Variants in TMEM181 observed in about 807,000 individuals in gnomAD.
The protein encoded by TMEM181 is G protein-coupled receptor 178.
Under a neutral mutation model 71.9 loss-of-function variants are expected in TMEM181, and 39 were observed. That is an observed-to-expected ratio of 0.54 (90% CI 0.42 to 0.71). The LOEUF is 0.71. Among genes scored for constraint, TMEM181 ranks in the 30% least tolerant of loss-of-function variants. TMEM181 has a pLI of 0.00. For synonymous variants in TMEM181, 245 were observed against 228.8 expected (o/e 1.07, Z -0.64); for missense variants, 595 against 583.0 (o/e 1.02, Z -0.21).
intron 1 of TMEM181, among the ~76,000 whole-genome samples, chr6:158,547,694 G>T (rs1273404711): frequency 6.6e-6 from 1 of 151,794 alleles, no homozygotes; most frequent in Non-Finnish European, 1.5e-5. Flanking sequence ...CTTTGCACTG[G>T]ATCTAGTTGA....
intron 1 of TMEM181, among the ~76,000 whole-genome samples, chr6:158,541,206 A>G (rs1781327678): frequency 6.6e-6 from 1 of 152,102 alleles, no homozygotes; most frequent in East Asian, 1.9e-4. Context: ...ACTTGAGGTC[A>G]GGAGTTCGAG....
intron 10 of TMEM181, among the ~76,000 whole-genome samples, chr6:158,612,734 A>G (rs1785404093): frequency 6.6e-6 from 1 of 152,182 alleles, no homozygotes; most frequent in South Asian, 2.1e-4. Flanking sequence ...GGAAAGACCC[A>G]TGTGTTATTT....
intron 6 of TMEM181, 137 bp from the exon 7 acceptor site, chr6:158,605,130 A>AG (rs1562302773): frequency 9.1e-4 from 191 of 210,952 alleles, no homozygotes; most frequent in South Asian, 1.8e-3. Flanking sequence ...AAAAAAAAAA[A>AG]AGTGTGTGTG....
chr6:158,627,637 A>G (rs1286232491), intron 13 of TMEM181, among the ~76,000 whole-genome samples: 1 of 152,184 alleles, frequency 6.6e-6, no homozygotes, highest in Admixed American at 6.5e-5. Flanking sequence ...GGGCGTCAGC[A>G]TGGCGAGGTG....
upstream of TMEM181, among the ~76,000 whole-genome samples, chr6:158,557,228 G>A (rs1261104918): frequency 6.6e-6 from 1 of 152,094 alleles, no homozygotes. Flanking sequence ...TACAAAATTA[G>A]CTGGTTGTGT....
chr6:158,584,139 C>CT, intron 4 of TMEM181, 95 bp downstream of exon 4: 1 of 1,040,740 alleles, frequency 9.6e-7, no homozygotes, highest in Non-Finnish European at 1.4e-6. Flanking sequence ...AGCAAGTGCT[C>CT]AAAGATAGAT....
chr6:158,588,456 T>C (rs1047518197), intron 5 of TMEM181, among the ~76,000 whole-genome samples: 3 of 152,204 alleles, frequency 2.0e-5, no homozygotes, highest in Non-Finnish European at 4.4e-5. Flanking sequence ...TGTTTTTGTT[T>C]GTTTGTTTTT....
Position 158,544,592 on chromosome 6 carries a change from C to T in TMEM181, c.131+7727C>T, listed in dbSNP as rs1021468053. Among the ~76,000 whole-genome samples the T allele has an allele frequency of 5.3e-5, 8 of 152,188 alleles. No homozygotes were observed. In the South Asian group the frequency reaches 1.0e-3, roughly 20 times the overall value. On this transcript the variant is annotated intron_variant, in intron 1 of 16. Coordinates refer to the TMEM181 transcript ENST00000367090. ...TCCCCAATTTCTTCAGCCTCAGTGG[C>T]ATTCCCTTCCATGAGCCTCGGGGCA... is the stretch of plus-strand genomic sequence containing the variant.
chr6:158,599,773 ACT>A (rs1784569174), intron 6 of TMEM181, among the ~76,000 whole-genome samples: 1 of 151,836 alleles, frequency 6.6e-6, no homozygotes, highest in African/African-American at 2.4e-5. Flanking sequence ...CCAGGGCCCT[ACT>A]CTCGGGGCTT....
chr6:158,587,277 C>T lies in TMEM181; in HGVS notation c.381+1852C>T, dbSNP rs901075159. Among the ~76,000 whole-genome samples the T allele has an allele frequency of 2.3e-4, 35 of 152,290 alleles. 1 individual carries two copies. Among genetic ancestry groups the T allele is most frequent in the Admixed American group, 1.7e-3 (26 of 15,304 alleles). Reference sequence around the variant, plus strand: ...TGCACTGTTCCTTCTTGGATGTGCCCGCCGTGCTGTGCATCTTGAGAATGG... The same window carrying T: ...TGCACTGTTCCTTCTTGGATGTGCCTGCCGTGCTGTGCATCTTGAGAATGG... On this transcript the variant is annotated intron_variant, in intron 5 of 16. Transcript: ENST00000684151.
chr6:158,559,242 C>G (rs947418886), upstream of TMEM181, among the ~76,000 whole-genome samples: 1 of 152,190 alleles, frequency 6.6e-6, no homozygotes, highest in African/African-American at 2.4e-5. Flanking sequence ...TGAGCTAAGG[C>G]TACCTAACTT....
chr6:158,563,599 T>G (rs1782312559), intron 1 of TMEM181, among the ~76,000 whole-genome samples: 1 of 152,234 alleles, frequency 6.6e-6, no homozygotes, highest in African/African-American at 2.4e-5. Flanking sequence ...GAAATGGGGC[T>G]CACTGGCCAG....
At chr6:158,604,328 G>A (rs943348680) in intron 6 of TMEM181, among the ~76,000 whole-genome samples, 2 of 124,658 alleles carry the variant, frequency 1.6e-5, no homozygotes, top group African/African-American at 2.9e-5. Context: ...TTGTGCATGC[G>A]TGCATGCGTG....
intron 10 of TMEM181, among the ~76,000 whole-genome samples, chr6:158,623,025 G>A (rs946599110): frequency 2.6e-5 from 4 of 152,164 alleles, no homozygotes; most frequent in Admixed American, 6.5e-5. Context: ...GAGTAGCTCC[G>A]TTTCCAGGTG....
rs781138712 is a variant in TMEM181, at chr6:158,585,443, GC to G, written c.381+22del. ...GTGCAGGGGTGAGTGTGTGGGGTGA[GC>G]CCCACAGTCAGTCCTCAGGCTGTGT... is the stretch of plus-strand genomic sequence containing the variant. On this transcript the variant is annotated intron_variant, in intron 5 of 16. Transcript: ENST00000684151. 18 of 1,561,318 alleles carry G rather than the reference GC, an allele frequency of 1.2e-5. No individual in the cohort carries two copies. Among genetic ancestry groups the G allele is most frequent in the African/African-American group, 1.4e-5 (1 of 72,650 alleles).
At chr6:158,599,730 C>T (rs1015780020) in intron 6 of TMEM181, among the ~76,000 whole-genome samples, 39 of 152,302 alleles carry the variant, frequency 2.6e-4, no homozygotes, top group African/African-American at 7.0e-4. Context: ...CGGGATCCAG[C>T]GCGCCTGGAG....
At chr6:158,608,860 G>A in intron 10 of TMEM181, 110 bp downstream of exon 10, 1 of 982,810 alleles carries the variant, frequency 1.0e-6, no homozygotes, top group South Asian at 1.6e-5. Context: ...CACTTTGACA[G>A]GCTGAGGCAG....
chr6:158,621,884 C>A (rs1292824494), intron 10 of TMEM181, among the ~76,000 whole-genome samples: 1 of 152,246 alleles, frequency 6.6e-6, no homozygotes, highest in Non-Finnish European at 1.5e-5. Flanking sequence ...GCTGTCAAAG[C>A]GCTTCCGAAG....
chr6:158,631,026 C>G (rs1028116347), intron 15 of TMEM181, among the ~76,000 whole-genome samples: 1 of 152,228 alleles, frequency 6.6e-6, no homozygotes, highest in African/African-American at 2.4e-5. Context: ...GTTCAGCTCC[C>G]CACTCCTTGT....
Sources: allele counts gnomAD v4.1 joint callset (sites outside exome capture counted in the v4.1 genomes callset), GRCh38; gene constraint gnomAD v4.1.1; transcripts MANE v1.5; gene names NCBI Gene and HGNC (gene_info 2026-07-23, HGNC 2026-07-21).